Variants in FOXP2 observed in about 807,000 individuals in gnomAD.
FOXP2 encodes forkhead box P2.
Under a neutral mutation model 115.8 loss-of-function variants are expected in FOXP2, and 12 were observed. The ratio of observed to expected loss-of-function variants is 0.10; its 90% CI spans 0.07 to 0.17. The LOEUF is 0.17. FOXP2 is among the 10% of genes least tolerant of loss of function. The probability of loss-of-function intolerance (pLI) is 1.00; values close to 1 mark genes in which losing one functional copy is unlikely to be tolerated. For synonymous variants in FOXP2, 328 were observed against 297.7 expected, an observed-to-expected ratio of 1.10 and a Z score of -1.05; for missense variants, 629 against 843.5, an observed-to-expected ratio of 0.75 and a Z score of 3.15.
chr7:114,643,444 T>C (rs1212318120), intron 7 of FOXP2, among the ~76,000 whole-genome samples: 1 of 152,154 alleles, frequency 6.6e-6, no homozygotes, highest in East Asian at 1.9e-4. Flanking sequence ...TGTTGCATGA[T>C]GAAATAAGTA....
chr7:114,409,018 C>T (rs1016799459), intron 2 of FOXP2, among the ~76,000 whole-genome samples: 1 of 151,944 alleles, frequency 6.6e-6, no homozygotes, highest in African/African-American at 2.4e-5. Context: ...AAAGGTTAAG[C>T]ATTTTATTTT....
At chr7:114,305,121 AG>A (rs1212622340) in intron 2 of FOXP2, among the ~76,000 whole-genome samples, 1 of 152,136 alleles carries the variant, frequency 6.6e-6, no homozygotes, top group African/African-American at 2.4e-5. Flanking sequence ...AAGGTTTGTA[AG>A]ATGTTTAATT....
intron 2 of FOXP2, among the ~76,000 whole-genome samples, chr7:114,428,300 A>G (rs1475738515): frequency 6.6e-6 from 1 of 151,626 alleles, no homozygotes; most frequent in Non-Finnish European, 1.5e-5. Flanking sequence ...TGGATGTTAA[A>G]TAAACAGAAA....
chr7:114,497,356 G>A (rs1797364854), intron 2 of FOXP2, among the ~76,000 whole-genome samples: 1 of 152,074 alleles, frequency 6.6e-6, no homozygotes, highest in South Asian at 2.1e-4. Context: ...ACTTTTAAAA[G>A]TTGCATTTGG....
At chr7:114,088,121 A>C in intron 1 of FOXP2, 1 of 137,860 alleles carries the variant, frequency 7.3e-6, no homozygotes. Context: ...CCCCCCATCT[A>C]ACCCCCCCTC....
chr7:114,242,772 G>A (rs1795186577), intron 1 of FOXP2, among the ~76,000 whole-genome samples: 1 of 152,120 alleles, frequency 6.6e-6, no homozygotes, highest in South Asian at 2.1e-4. Context: ...TCACACTTGA[G>A]GTATAGCACC....
intron 2 of FOXP2, among the ~76,000 whole-genome samples, chr7:114,385,391 C>T (rs1792420719): frequency 6.6e-6 from 1 of 152,168 alleles, no homozygotes; most frequent in African/African-American, 2.4e-5. Flanking sequence ...AGGTATACTT[C>T]AGAAGGAAAG....
intron 2 of FOXP2, among the ~76,000 whole-genome samples, chr7:114,298,186 G>A (rs1000994200): frequency 1.3e-5 from 2 of 152,158 alleles, no homozygotes; most frequent in Non-Finnish European, 2.9e-5. Context: ...TTCTAGACTT[G>A]TAGCAACATG....
chr7:114,371,274 T>G (rs1203971184), intron 2 of FOXP2, among the ~76,000 whole-genome samples: 1 of 145,380 alleles, frequency 6.9e-6, no homozygotes, highest in Non-Finnish European at 1.5e-5. Flanking sequence ...GTAGTAGCAA[T>G]AAGGTTTTGC....
Position 114,231,674 on chromosome 7 carries a change from G to A in FOXP2, c.-101-56345G>A, listed in dbSNP as rs144678661. ...TTGGAAAATTGGATATCCACATGCC[G>A]AATAATGAAATTGGATTCTTATACC... On this transcript the variant is annotated intron_variant, in intron 1 of 17. Transcript: ENST00000634411. 6.4e-3 allele frequency among the ~76,000 whole-genome samples: 978 copies of A among 152,238 alleles called. 12 individuals carry two copies. Among genetic ancestry groups the A allele is most frequent in the African/African-American group, 0.022 (920 of 41,530 alleles).
At chr7:114,164,685 A>T (rs1483140013) in intron 1 of FOXP2, among the ~76,000 whole-genome samples, 2 of 152,182 alleles carry the variant, frequency 1.3e-5, no homozygotes. Flanking sequence ...AACCTTGAAG[A>T]AATACTACAA....
intron 1 of FOXP2, among the ~76,000 whole-genome samples, chr7:114,417,450 T>C (rs1793400049): frequency 6.6e-6 from 1 of 152,004 alleles, no homozygotes; most frequent in African/African-American, 2.4e-5. Context: ...ATTGGGTATT[T>C]GTTTTAAAGT....
intron 1 of FOXP2, among the ~76,000 whole-genome samples, chr7:114,245,852 TC>T (rs11336672): frequency 0.08 from 12,119 of 152,214 alleles, 1,172 homozygotes; most frequent in African/African-American, 0.23. Flanking sequence ...AAGTTTTTTT[TC>T]CTTGCGTATT....
chr7:114,412,688 G>A (rs907582691), upstream of FOXP2, among the ~76,000 whole-genome samples: 4 of 152,160 alleles, frequency 2.6e-5, no homozygotes, highest in Non-Finnish European at 4.4e-5. Context: ...CCTATGGCTT[G>A]ATAGCTGTGT....
intron 1 of FOXP2, among the ~76,000 whole-genome samples, chr7:114,226,756 T>C (rs867667448): frequency 6.6e-5 from 10 of 152,290 alleles, no homozygotes; most frequent in Middle Eastern, 3.4e-3. Context: ...CTTTCTTATT[T>C]ATCTTAATCA....
At chr7:114,118,838 GA>G (rs1217269160) in intron 1 of FOXP2, among the ~76,000 whole-genome samples, 1 of 152,120 alleles carries the variant, frequency 6.6e-6, no homozygotes, top group Non-Finnish European at 1.5e-5. Context: ...GGCAGAGAAA[GA>G]AATAGTACTT....
intron 16 of FOXP2, chr7:114,666,792 C>T (rs1006447064): frequency 3.9e-5 from 6 of 152,156 alleles, no homozygotes; most frequent in South Asian, 2.1e-4. Context: ...GGATTGAGCA[C>T]GTTACTTAAT....
At chr7:114,507,774 C>T (rs997743274) in intron 2 of FOXP2, among the ~76,000 whole-genome samples, 1 of 151,904 alleles carries the variant, frequency 6.6e-6, no homozygotes, top group African/African-American at 2.4e-5. Flanking sequence ...GATGTGTCAT[C>T]TATTAAAACT....
intron 1 of FOXP2, among the ~76,000 whole-genome samples, chr7:114,092,026 A>G (rs1041177759): frequency 6.6e-6 from 1 of 151,678 alleles, no homozygotes; most frequent in Non-Finnish European, 1.5e-5. Flanking sequence ...CTGATTCTTC[A>G]TTTTTTTTCT....
Sources: gnomAD v4.1 joint callset for allele counts (sites outside exome capture counted in the v4.1 genomes callset) on GRCh38, gnomAD v4.1.1 for gene constraint, MANE v1.5 for transcripts, NCBI Gene and HGNC (gene_info 2026-07-23, HGNC 2026-07-21) for gene names.